Variants in KLHL1 observed in about 807,000 individuals in gnomAD.
The protein encoded by KLHL1 is kelch-like protein 1.
A neutral mutation model predicts 77.7 loss-of-function variants in KLHL1; 47 were observed. The observed-to-expected ratio is 0.60, with a 90% CI of 0.48 to 0.77. The LOEUF (loss-of-function observed/expected upper bound fraction) is 0.77. Ranked by LOEUF, KLHL1 falls within the 30% of genes least tolerant of loss-of-function variation. The probability of loss-of-function intolerance (pLI) is 0.00; values close to 1 mark genes in which losing one functional copy is unlikely to be tolerated. For missense variants in KLHL1, 925 were observed against 910.8 expected (o/e 1.02, Z -0.20); for synonymous variants, 360 against 325.2 (o/e 1.11, Z -1.15).
At chr13:69,804,260 G>A (rs908138428) in intron 6 of KLHL1, among the ~76,000 whole-genome samples, 1 of 152,046 alleles carries the variant, frequency 6.6e-6, no homozygotes, top group Admixed American at 6.5e-5. Flanking sequence ...TGCAGTTCTA[G>A]GTCTCTCAGG....
intron 4 of KLHL1, among the ~76,000 whole-genome samples, chr13:69,882,809 T>G (rs1405953665): frequency 6.6e-6 from 1 of 152,140 alleles, no homozygotes; most frequent in Admixed American, 6.5e-5. Context: ...ATTTGGTGAA[T>G]AGGAAAAAAT....
At chr13:69,751,112 ATG>A (rs56689981) in intron 7 of KLHL1, among the ~76,000 whole-genome samples, 2,924 of 140,744 alleles carry the variant, frequency 0.021, 69 homozygotes, top group East Asian at 0.15. Context: ...TCATGTGTGT[ATG>A]TGTGTGTGTG....
intron 7 of KLHL1, among the ~76,000 whole-genome samples, chr13:69,793,652 C>A (rs1876973130): frequency 6.6e-6 from 1 of 151,928 alleles, no homozygotes; most frequent in Non-Finnish European, 1.5e-5. Context: ...TTTTATAAAA[C>A]CTCTGCATAC....
At chr13:69,982,663 C>T (rs1056362189) in intron 1 of KLHL1, among the ~76,000 whole-genome samples, 2 of 151,264 alleles carry the variant, frequency 1.3e-5, no homozygotes, top group African/African-American at 4.9e-5. Flanking sequence ...TTAAATTATT[C>T]AATTAAAAGA....
intron 1 of KLHL1, among the ~76,000 whole-genome samples, chr13:69,990,105 T>A (rs1884987827): frequency 6.6e-6 from 1 of 151,916 alleles, no homozygotes; most frequent in African/African-American, 2.4e-5. Flanking sequence ...ATAAATAAGA[T>A]CCTTTATAGA....
intron 6 of KLHL1, among the ~76,000 whole-genome samples, chr13:69,803,865 T>G (rs940027237): frequency 2.6e-5 from 4 of 152,158 alleles, no homozygotes; most frequent in African/African-American, 9.7e-5. Flanking sequence ...GGAATACATT[T>G]TGTCAACAAT....
intron 9 of KLHL1, among the ~76,000 whole-genome samples, chr13:69,716,067 T>C (rs530350564): frequency 2.6e-5 from 4 of 152,272 alleles, no homozygotes; most frequent in Admixed American, 6.5e-5. Flanking sequence ...AATTTTATGA[T>C]ATTCTGGGTC....
chr13:69,748,780 G>A (rs2137943880), intron 7 of KLHL1, among the ~76,000 whole-genome samples: 1 of 129,030 alleles, frequency 7.8e-6, no homozygotes, highest in African/African-American at 3.0e-5. Flanking sequence ...CAAATGGTCA[G>A]GATGGTCTGT....
At chr13:69,783,214 C>T (rs1214369596) in intron 7 of KLHL1, among the ~76,000 whole-genome samples, 1 of 152,046 alleles carries the variant, frequency 6.6e-6, no homozygotes, top group African/African-American at 2.4e-5. Context: ...GATAAAATGA[C>T]AAAGATGGGG....
chr13:69,929,267 T>C (rs2138278510), intron 4 of KLHL1, among the ~76,000 whole-genome samples: 1 of 152,128 alleles, frequency 6.6e-6, no homozygotes, highest in African/African-American at 2.4e-5. Context: ...CGTCAAGCCT[T>C]CTGGTTTTCA....
intron 4 of KLHL1, among the ~76,000 whole-genome samples, chr13:69,896,683 T>A (rs1302408641): frequency 6.6e-6 from 1 of 151,928 alleles, no homozygotes; most frequent in East Asian, 1.9e-4. Context: ...TTTTTTTTTT[T>A]TTTGAGACAG....
intron 6 of KLHL1, among the ~76,000 whole-genome samples, chr13:69,814,551 C>G (rs183342141): frequency 1.0e-3 from 159 of 151,944 alleles, no homozygotes; most frequent in Non-Finnish European, 3.8e-4. Flanking sequence ...AAAAAATCAA[C>G]AAGTAAAGTT....
At chr13:69,780,747 T>TATATATATATATAAAC (rs1566244160) in intron 7 of KLHL1, among the ~76,000 whole-genome samples, 1 of 95,672 alleles carries the variant, frequency 1.0e-5, no homozygotes, top group African/African-American at 4.4e-5. Flanking sequence ...TATATATACA[T>TATATATATATATAAAC]ATATATATAT....
In KLHL1 at chr13:69,930,644, T is replaced by C. The variant is rs376082491; in HGVS notation, c.1014+9396A>G. Among the ~76,000 whole-genome samples the C allele has an allele frequency of 8.6e-5, 13 of 151,936 alleles. No homozygotes were observed. The East Asian group carries it at 2.5e-3, about 29-fold the overall frequency. On this transcript the variant is annotated intron_variant, in intron 4 of 10. Transcript: ENST00000377844. ...TAATAAAGGCAATATGCCATTGTTG[T>C]TTATATATTATTTACGCTTTTTCTA... is the stretch of plus-strand genomic sequence containing the variant.
At chr13:69,905,885 A>G (rs1355722185) in intron 4 of KLHL1, among the ~76,000 whole-genome samples, 3 of 152,050 alleles carry the variant, frequency 2.0e-5, no homozygotes, top group Non-Finnish European at 4.4e-5. Context: ...AGAGCTCTGG[A>G]TGAAATAAGT....
intron 5 of KLHL1, among the ~76,000 whole-genome samples, chr13:69,851,184 CAA>C (rs1308697772): frequency 9.7e-5 from 13 of 133,694 alleles, no homozygotes; most frequent in Non-Finnish European, 1.3e-4. Flanking sequence ...GCTTGAAATT[CAA>C]AGAGTATATT....
intron 3 of KLHL1, among the ~76,000 whole-genome samples, chr13:69,956,174 T>TA (rs200280955): frequency 8.6e-6 from 1 of 116,044 alleles, no homozygotes; most frequent in African/African-American, 4.2e-5. Flanking sequence ...TATATATTTA[T>TA]TATATATCTG....
At chr13:69,830,606 A>T (rs964288192) in intron 6 of KLHL1, among the ~76,000 whole-genome samples, 1 of 150,296 alleles carries the variant, frequency 6.7e-6, no homozygotes, top group Non-Finnish European at 1.5e-5. Context: ...GACTTAACAG[A>T]TATTTAGAGA....
chr13:70,031,571 T>G (rs1488293066), intron 1 of KLHL1, among the ~76,000 whole-genome samples: 2 of 152,174 alleles, frequency 1.3e-5, no homozygotes, highest in African/African-American at 4.8e-5. Context: ...AAAATTGTGG[T>G]TCCCAAATAC....
Sources: allele counts gnomAD v4.1 joint callset (sites outside exome capture counted in the v4.1 genomes callset), GRCh38; gene constraint gnomAD v4.1.1; transcripts MANE v1.5; gene names NCBI Gene and HGNC (gene_info 2026-07-23, HGNC 2026-07-21).